DGCR8: variants seen among roughly 807,000 people sequenced by gnomAD.
The protein encoded by DGCR8 is DGCR8 microprocessor complex subunit.
In DGCR8, 14 loss-of-function variants were observed where a neutral mutation model predicts 78.5. That is an observed-to-expected ratio of 0.18 (90% CI 0.12 to 0.28). The LOEUF is 0.28. Ranked by LOEUF, DGCR8 falls within the 10% of genes least tolerant of loss-of-function variation. The probability of loss-of-function intolerance (pLI) is 1.00; values close to 1 mark genes in which losing one functional copy is unlikely to be tolerated. For synonymous variants in DGCR8, 399 were observed against 402.4 expected, an observed-to-expected ratio of 0.99 and a Z score of 0.10; for missense variants, 702 against 1,022.5, an observed-to-expected ratio of 0.69 and a Z score of 4.28.
Position 20,085,739 on chromosome 22 carries a change from A to C in DGCR8, c.-225A>C. On this transcript the variant is annotated 5_prime_UTR_variant, in exon 2 of 14. Coordinates refer to ENST00000351989, the MANE Select transcript of DGCR8 (RefSeq NM_022720.7). The surrounding 1 kb of genome is among the most constrained non-coding windows in gnomAD (Gnocchi z 6.2). ...ATGAAGACAGACTCGCTTAGTCGCC[A>C]GTCACTTAAGCTGAGTGCATTGTGA... 1 of 1,362,828 alleles carries C rather than the reference A, an allele frequency of 7.3e-7. No individual in the cohort carries two copies. Among genetic ancestry groups the C allele is most frequent in the East Asian group, 2.7e-5 (1 of 37,064 alleles). 84.4% of individuals were successfully genotyped at this position (1,362,828 alleles called of 1,614,324 possible). A position where few individuals can be genotyped will look rare whatever the true frequency, so the allele number is the denominator to read the frequency against.
intron 9 of DGCR8, chr22:20,096,680 C>T (rs551726799): frequency 6.1e-6 from 1 of 162,950 alleles, no homozygotes; most frequent in Admixed American, 6.5e-5. Flanking sequence ...CCTCTTAGTT[C>T]TCTCCAACCA....
Position 20,106,205 on chromosome 22 carries a change from C to CG in DGCR8, c.1818dup (p.Arg607AlafsTer23). The CG allele has an allele frequency of 6.2e-7, 1 of 1,614,016 alleles. No homozygotes were observed. The highest frequency in any genetic ancestry group is 8.5e-7 in the Non-Finnish European group (1 of 1,180,036). On this transcript the variant is annotated frameshift_variant, in exon 10 of 14. Transcript: ENST00000351989. LOFTEE classifies it high-confidence loss of function. ...TTTAACCACATCAGCATCGAGGACT[C>CG]GCGGGTCTACGAGCTGACCAGCAAG... is the stretch of plus-strand genomic sequence containing the variant.
At position 20,086,762 on chromosome 22, in the gene DGCR8, G is replaced by A. The variant is rs1356128341; in HGVS notation, c.720+79G>A. On this transcript the variant is annotated intron_variant, in intron 2 of 13. Transcript: ENST00000351989. This position sits in a 1 kb window ranked among gnomAD's most constrained non-coding sequence, Gnocchi z 6.4. Reference sequence around the variant, plus strand: ...TTGGGAATTGCAGCATCTTTTGAAAGCAGGGAAATTAAAAAAAAAAAAAAC... The same window carrying A: ...TTGGGAATTGCAGCATCTTTTGAAAACAGGGAAATTAAAAAAAAAAAAAAC... 11 of 1,387,914 alleles carry A rather than the reference G, an allele frequency of 7.9e-6. No homozygotes were observed. Among genetic ancestry groups the A allele is most frequent in the East Asian group, 2.4e-5 (1 of 42,014 alleles). The allele number at this position is 1,387,914 out of a possible 1,614,324, so 86.0% of individuals were successfully genotyped here.
Position 20,111,644 on chromosome 22 carries a change from G to A in DGCR8, c.*1536G>A. The A allele has an allele frequency of 3.0e-6, 1 of 328,992 alleles. No homozygotes were observed. The highest frequency in any genetic ancestry group is 5.5e-6 in the Non-Finnish European group (1 of 183,338). 20.4% of individuals were successfully genotyped at this position (328,992 alleles called of 1,614,324 possible). A position where few individuals can be genotyped will look rare whatever the true frequency, so the allele number is the denominator to read the frequency against. On this transcript the variant is annotated 3_prime_UTR_variant, in exon 14 of 14. Coordinates refer to ENST00000351989, the MANE Select transcript of DGCR8 (RefSeq NM_022720.7). Reference sequence around the variant, plus strand: ...CCCCTAAAGGTTGGGGAGCCTCGCTGTGTCTTGCTGTTCCCAGGCACCACC... The same window carrying A: ...CCCCTAAAGGTTGGGGAGCCTCGCTATGTCTTGCTGTTCCCAGGCACCACC...
intron 9 of DGCR8, 60 bp from the exon 10 acceptor site, chr22:20,106,117 C>T: frequency 1.4e-6 from 2 of 1,456,050 alleles, no homozygotes; most frequent in Non-Finnish European, 1.9e-6. Context: ...ACCGCAGGCC[C>T]AGCCATGAAG....
intron 9 of DGCR8, among the ~76,000 whole-genome samples, chr22:20,099,469 C>A (rs892709179): frequency 6.6e-6 from 1 of 152,206 alleles, no homozygotes; most frequent in African/African-American, 2.4e-5. Flanking sequence ...CCAACAGTGA[C>A]AGTTCTCTGG....
At chr22:20,094,644 G>A (rs1049852468) in intron 8 of DGCR8, 69 bp from the exon 9 acceptor site, 8 of 1,435,350 alleles carry the variant, frequency 5.6e-6, no homozygotes, top group South Asian at 3.5e-5. Flanking sequence ...GCAGTGCACA[G>A]TTCACTCTGC....
rs781466761 is a variant in DGCR8, at chr22:20,106,275, A to AAGGT, written c.1889+2_1889+5dup. The AAGGT allele has an allele frequency of 6.2e-6, 10 of 1,612,690 alleles. No homozygotes were observed. In the South Asian group the frequency reaches 1.1e-4, roughly 18 times the overall value. ...ATCAGATCCTCCACGAGTGCCTTAA[A>AAGGT]AGGTAGGGTAGGGGGGTGCCTCCCC... is the stretch of plus-strand genomic sequence containing the variant. On this transcript the variant is annotated frameshift_variant and splice_region_variant, in exon 10 of 14. Transcript: ENST00000351989. LOFTEE classifies it high-confidence loss of function.
chr22:20,106,144 T>TGG, intron 9 of DGCR8, 33 bp from the exon 10 acceptor site: 2 of 1,595,656 alleles, frequency 1.3e-6, no homozygotes, highest in Admixed American at 3.3e-5. Flanking sequence ...GTGGGCCTGG[T>TGG]GGGGACTCAC....
intron 9 of DGCR8, chr22:20,100,572 G>A (rs575956643): frequency 4.1e-6 from 4 of 985,420 alleles, no homozygotes; most frequent in African/African-American, 3.5e-5. Context: ...GCTATGGGGT[G>A]GTGGAAATGT....
chr22:20,101,409 TA>T (rs1219130242), intron 9 of DGCR8: 1 of 702,992 alleles, frequency 1.4e-6, no homozygotes, highest in East Asian at 1.3e-4. Context: ...ACCCCGTCTC[TA>T]CTAAAAACAT....
chr22:20,083,840 T>G (rs565408864), intron 1 of DGCR8, among the ~76,000 whole-genome samples: 16 of 152,308 alleles, frequency 1.1e-4, no homozygotes, highest in African/African-American at 3.8e-4. Context: ...CTCACCCCAC[T>G]TAGTGTTCCT....
chr22:20,082,502 G>A (rs1260009723), intron 1 of DGCR8, among the ~76,000 whole-genome samples: 2 of 151,816 alleles, frequency 1.3e-5, no homozygotes, highest in African/African-American at 4.8e-5. Flanking sequence ...CGAGTAGCTG[G>A]GACTATAGGC....
At chr22:20,100,032 C>T (rs2049676858) in intron 9 of DGCR8, among the ~76,000 whole-genome samples, 1 of 152,206 alleles carries the variant, frequency 6.6e-6, no homozygotes, top group Non-Finnish European at 1.5e-5. Context: ...GGATCAAGCA[C>T]AGTCTCCAAG....
chr22:20,093,601 C>CT (rs2049592223), intron 8 of DGCR8, among the ~76,000 whole-genome samples: 1 of 152,200 alleles, frequency 6.6e-6, no homozygotes, highest in Admixed American at 6.5e-5. Flanking sequence ...GGCCAGCATG[C>CT]TGTTGGCATC....
rs1223676730 is a variant in DGCR8 at position 20,110,984 on chromosome 22, C to CT, written c.*879dup. ...TGTGATATTTTAGCATTTTGAAAGA[C>CT]TTTCACAGTGAGAGTAGAAGGTAGA... is the stretch of plus-strand genomic sequence containing the variant. On this transcript the variant is annotated 3_prime_UTR_variant, in exon 14 of 14. Coordinates refer to ENST00000351989, the MANE Select transcript of DGCR8 (RefSeq NM_022720.7). 2.5e-6 allele frequency: 1 copy of CT among 396,144 alleles called. No homozygotes were observed. The highest frequency in any genetic ancestry group is 4.4e-6 in the Non-Finnish European group (1 of 225,092). The allele number at this position is 396,144 out of a possible 1,614,324, so 24.5% of individuals were successfully genotyped here. A position where few individuals can be genotyped will look rare whatever the true frequency, so the allele number is the denominator to read the frequency against.
At chr22:20,081,319 C>G (rs561795253) in intron 1 of DGCR8, among the ~76,000 whole-genome samples, 29 of 152,322 alleles carry the variant, frequency 1.9e-4, no homozygotes, top group Admixed American at 6.5e-4. Flanking sequence ...AGCAAGTGGG[C>G]TAGGAGGAAG....
intron 3 of DGCR8, among the ~76,000 whole-genome samples, chr22:20,088,206 A>G (rs556103030): frequency 1.3e-5 from 2 of 152,272 alleles, no homozygotes; most frequent in African/African-American, 4.8e-5. Flanking sequence ...TGTTGGTAGC[A>G]GTTAAGCAGG....
At chr22:20,105,419 A>G (rs1397318081) in intron 9 of DGCR8, among the ~76,000 whole-genome samples, 1 of 152,218 alleles carries the variant, frequency 6.6e-6, no homozygotes, top group Non-Finnish European at 1.5e-5. Flanking sequence ...GAGGTTGTCC[A>G]TGCTCCAGAG....
Sources: gnomAD v4.1 joint callset for allele counts (sites outside exome capture counted in the v4.1 genomes callset) on GRCh38, gnomAD v4.1.1 for gene constraint, Gnocchi (gnomAD v3.1) non-coding constraint, MANE v1.5 for transcripts, NCBI Gene and HGNC (gene_info 2026-07-23, HGNC 2026-07-21) for gene names.